Variants in PTPRN2 observed in about 807,000 individuals in gnomAD.
PTPRN2 encodes receptor-type tyrosine-protein phosphatase N2.
Under a neutral mutation model 118.8 loss-of-function variants are expected in PTPRN2, and 74 were observed. That is an observed-to-expected ratio of 0.62 (90% confidence interval 0.52 to 0.76). The LOEUF (loss-of-function observed/expected upper bound fraction) is 0.76, where lower values mean the gene tolerates loss of function less well. Among genes scored for constraint, PTPRN2 ranks in the 30% least tolerant of loss-of-function variants. PTPRN2 has a pLI of 0.00. For missense variants in PTPRN2, 1,481 were observed against 1,394.4 expected, an observed-to-expected ratio of 1.06 and a Z score of -0.99; for synonymous variants, 641 against 608.0, an observed-to-expected ratio of 1.05 and a Z score of -0.80.
At chr7:158,160,245 T>C (rs11770806) in intron 6 of PTPRN2, among the ~76,000 whole-genome samples, 94,994 of 151,834 alleles carry the variant, frequency 0.63, 30,792 homozygotes, top group East Asian at 0.85. Flanking sequence ...TCCAGGGAGA[T>C]TGGGGTGGAG....
intron 1 of PTPRN2, among the ~76,000 whole-genome samples, chr7:158,527,074 G>C (rs1824833603): frequency 6.6e-6 from 1 of 152,150 alleles, no homozygotes; most frequent in Non-Finnish European, 1.5e-5. Flanking sequence ...GACGTGCGCA[G>C]AAACTGCACA....
Position 157,698,473 on chromosome 7 carries a change from T to C in PTPRN2, c.1789-15536A>G, listed in dbSNP as rs575681584. On this transcript the variant is annotated intron_variant, in intron 12 of 22. Coordinates refer to ENST00000389418, the MANE Select transcript of PTPRN2 (RefSeq NM_002847.5). ...TGAAACCACGTGCTTATAAACCAAG[T>C]ATGTGTTTCAGCAAACATTTCTGCT... Among the ~76,000 whole-genome samples the C allele has an allele frequency of 2.0e-5, 3 of 152,356 alleles. No homozygotes were observed. In the South Asian group the frequency reaches 6.2e-4, roughly 32 times the overall value.
chr7:158,099,978 G>C (rs370624480), intron 10 of PTPRN2, among the ~76,000 whole-genome samples: 1 of 150,856 alleles, frequency 6.6e-6, no homozygotes, highest in East Asian at 2.0e-4. Context: ...AGGCAGTGTT[G>C]AGTTACATGA....
At chr7:158,319,163 G>A (rs1184968602) in intron 2 of PTPRN2, among the ~76,000 whole-genome samples, 1 of 152,098 alleles carries the variant, frequency 6.6e-6, no homozygotes. Flanking sequence ...TATAGTTTGT[G>A]CTTTTAAAAT....
chr7:158,056,460 T>C (rs1018865049), intron 11 of PTPRN2, among the ~76,000 whole-genome samples: 4 of 152,198 alleles, frequency 2.6e-5, no homozygotes, highest in Non-Finnish European at 4.4e-5. Flanking sequence ...TTTGTAAAAA[T>C]CACTTTTGTG....
chr7:157,626,377 C>G (rs1803569171), intron 14 of PTPRN2, among the ~76,000 whole-genome samples: 1 of 152,190 alleles, frequency 6.6e-6, no homozygotes, highest in Non-Finnish European at 1.5e-5. Flanking sequence ...TGCTTCTCAG[C>G]CTTTGCCCCG....
intron 3 of PTPRN2, among the ~76,000 whole-genome samples, chr7:158,277,730 C>T (rs1799118661): frequency 6.6e-6 from 1 of 152,178 alleles, no homozygotes; most frequent in Non-Finnish European, 1.5e-5. Flanking sequence ...ACGGTCCTCC[C>T]TACTCCCTTG....
chr7:158,008,125 G>A (rs1805787681), intron 11 of PTPRN2, among the ~76,000 whole-genome samples: 1 of 132,582 alleles, frequency 7.5e-6, no homozygotes, highest in Non-Finnish European at 1.6e-5. Context: ...GTGTGTGGGT[G>A]TGTACATGTA....
chr7:158,316,879 C>T lies in PTPRN2; in HGVS notation c.217G>A (p.Glu73Lys), dbSNP rs768772921. 12 of 1,612,420 alleles carry T rather than the reference C, an allele frequency of 7.4e-6. No individual in the cohort carries two copies. The highest frequency in any genetic ancestry group is 5.5e-5 in the South Asian group (5 of 91,068). Residue 73 changes from glutamate (E) to lysine (K), a missense_variant, in exon 3 of 23, where the codon GAG becomes AAG. Around this residue, in one of 3 missense-constraint regions of PTPRN2, gnomAD observed 1,115 missense variants for 994.2 expected, o/e 1.12. Transcript: ENST00000389418. ...KVPAMDFYRY[E>K]VSPVALQRLR... is the part of the protein sequence containing the mutation. ...CGCTGCAGGGCCACGGGCGACACCT[C>T]GTAGCGGTAAAAGTCCATTGCCGGA...
At chr7:158,263,273 G>A (rs751332427) in intron 3 of PTPRN2, among the ~76,000 whole-genome samples, 1 of 152,174 alleles carries the variant, frequency 6.6e-6, no homozygotes, top group African/African-American at 2.4e-5. Context: ...TGCACTGCAC[G>A]TGTTGCACTC....
At position 157,577,949 on chromosome 7, in the gene PTPRN2, A is replaced by G. The variant is rs1800142821; in HGVS notation, c.2616+72T>C. The G allele has an allele frequency of 2.0e-6, 3 of 1,467,490 alleles. No individual in the cohort carries two copies. In the African/African-American group the frequency reaches 4.2e-5, roughly 20 times the overall value. 90.9% of individuals were successfully genotyped at this position (1,467,490 alleles called of 1,614,324 possible). ...GCCCTGGGGGGCCCTAACGAATCCC[A>G]TTCGGAGGAGGAGCAGGGCCCGTCC... On this transcript the variant is annotated intron_variant, in intron 18 of 22. Coordinates refer to ENST00000389418, the MANE Select transcript of PTPRN2 (RefSeq NM_002847.5).
chr7:157,935,022 T>C (rs1477131242), intron 11 of PTPRN2, among the ~76,000 whole-genome samples: 1 of 152,238 alleles, frequency 6.6e-6, no homozygotes, highest in Admixed American at 6.5e-5. Flanking sequence ...ATGAAGTCAG[T>C]CCTCATGCAT....
At chr7:158,542,349 C>T (rs2129449587) in intron 1 of PTPRN2, among the ~76,000 whole-genome samples, 1 of 152,330 alleles carries the variant, frequency 6.6e-6, no homozygotes, top group African/African-American at 2.4e-5. Flanking sequence ...GTTGGGGTTT[C>T]ACCATGTTGG....
intron 3 of PTPRN2, among the ~76,000 whole-genome samples, chr7:158,263,860 C>G (rs543375819): frequency 6.6e-6 from 1 of 152,182 alleles, no homozygotes; most frequent in South Asian, 2.1e-4. Context: ...CAATGACGGC[C>G]GAGCCAGAGA....
intron 11 of PTPRN2, among the ~76,000 whole-genome samples, chr7:158,071,554 TG>T (rs1811682915): frequency 3.8e-5 from 1 of 26,172 alleles, no homozygotes; most frequent in Non-Finnish European, 9.0e-5. Context: ...GTGCTCCTGG[TG>T]GTGGAGGTGC....
intron 12 of PTPRN2, among the ~76,000 whole-genome samples, chr7:157,699,495 G>A (rs982969593): frequency 1.1e-4 from 17 of 152,230 alleles, no homozygotes; most frequent in Middle Eastern, 3.4e-3. Flanking sequence ...GTGCAGTGGC[G>A]TGATCCTGGC....
chr7:158,435,908 CA>C (rs1816541751), intron 2 of PTPRN2, among the ~76,000 whole-genome samples: 1 of 152,088 alleles, frequency 6.6e-6, no homozygotes, highest in Admixed American at 6.5e-5. Context: ...TGGTGGTTTC[CA>C]GGGGCTGGGT....
At chr7:157,726,078 G>A (rs1799577967) in intron 12 of PTPRN2, among the ~76,000 whole-genome samples, 2 of 129,276 alleles carry the variant, frequency 1.5e-5, no homozygotes, top group Admixed American at 1.5e-4. Context: ...ACACGCAGAG[G>A]AGTGTGGCCA....
At chr7:157,744,308 T>C (rs1800798517) in intron 12 of PTPRN2, among the ~76,000 whole-genome samples, 1 of 152,050 alleles carries the variant, frequency 6.6e-6, no homozygotes, top group Non-Finnish European at 1.5e-5. Flanking sequence ...CGAAGGAGAT[T>C]CAAGGAGCCT....
Sources: gnomAD v4.1 joint callset for allele counts (sites outside exome capture counted in the v4.1 genomes callset) on GRCh38, gnomAD v4.1.1 for gene constraint, gnomAD v4.1.1 regional missense constraint, MANE v1.5 for transcripts, NCBI Gene and HGNC (gene_info 2026-07-23, HGNC 2026-07-21) for gene names.